Variants in PIK3C3 observed in about 807,000 individuals in gnomAD.
PIK3C3 encodes the protein phosphatidylinositol 3-kinase catalytic subunit type 3.
A neutral mutation model predicts 126.1 loss-of-function variants in PIK3C3; 95 were observed. That is an observed-to-expected ratio of 0.75 (90% confidence interval 0.64 to 0.89). The LOEUF is 0.89. Among genes scored for constraint, PIK3C3 ranks in the 40% least tolerant of loss-of-function variants. The pLI is 0.00. For synonymous variants in PIK3C3, 374 were observed against 360.0 expected, an observed-to-expected ratio of 1.04 and a Z score of -0.44; for missense variants, 829 against 1,063.2, an observed-to-expected ratio of 0.78 and a Z score of 3.06.
chr18:41,986,673 C>T (rs1981494070), intron 4 of PIK3C3, among the ~76,000 whole-genome samples: 1 of 152,058 alleles, frequency 6.6e-6, no homozygotes, highest in Non-Finnish European at 1.5e-5. Context: ...TTCCATGTTG[C>T]TAGCATATTT....
At chr18:42,010,211 A>C (rs1187265555) in intron 10 of PIK3C3, among the ~76,000 whole-genome samples, 1 of 152,170 alleles carries the variant, frequency 6.6e-6, no homozygotes, top group Non-Finnish European at 1.5e-5. Flanking sequence ...GCATCTCAAG[A>C]AACTACTCTT....
rs142789797 is a variant in PIK3C3 at position 42,039,330 on chromosome 18, T to G, written c.2038+480T>G. 1.4e-3 allele frequency among the ~76,000 whole-genome samples: 219 copies of G among 152,328 alleles called. 1 individual carries two copies. The highest frequency in any genetic ancestry group is 5.2e-3 in the African/African-American group (216 of 41,578). ...TTCCTCTGGCTACTCCCAAATCTTT[T>G]TGATGCCTTAATTACTCTTCTCAGT... is the stretch of plus-strand genomic sequence containing the variant. On this transcript the variant is annotated intron_variant, in intron 18 of 24. Coordinates refer to ENST00000262039, the MANE Select transcript of PIK3C3 (RefSeq NM_002647.4).
intron 12 of PIK3C3, among the ~76,000 whole-genome samples, chr18:42,018,169 A>C (rs1825774027): frequency 6.6e-6 from 1 of 151,686 alleles, no homozygotes; most frequent in Non-Finnish European, 1.5e-5. Context: ...ATTTCTTCTT[A>C]TGTCTGTGAC....
intron 14 of PIK3C3, among the ~76,000 whole-genome samples, chr18:42,028,228 A>T (rs1272411421): frequency 7.2e-6 from 1 of 139,306 alleles, no homozygotes; most frequent in Non-Finnish European, 1.5e-5. Flanking sequence ...GCATGGAATT[A>T]AAAAAAAGCT....
chr18:41,985,931 AT>A (rs772832739), intron 4 of PIK3C3, among the ~76,000 whole-genome samples: 5 of 152,242 alleles, frequency 3.3e-5, no homozygotes, highest in Non-Finnish European at 7.4e-5. Context: ...TTCCCACCAC[AT>A]TCTCCCACAT....
At chr18:42,072,493 T>A (rs543977279) in intron 24 of PIK3C3, among the ~76,000 whole-genome samples, 1 of 152,318 alleles carries the variant, frequency 6.6e-6, no homozygotes, top group South Asian at 2.1e-4. Context: ...AATTTTATTT[T>A]GGTCATTGTC....
intron 3 of PIK3C3, among the ~76,000 whole-genome samples, chr18:41,967,374 T>G (rs1980423349): frequency 6.6e-6 from 1 of 152,156 alleles, no homozygotes; most frequent in Non-Finnish European, 1.5e-5. Flanking sequence ...TTCTCATAAC[T>G]TAGGGAAACG....
At position 42,085,198 on chromosome 18, in the gene PIK3C3, C is replaced by A. The variant is rs1202044751; in HGVS notation, c.*4061C>A. 1 of 152,048 alleles carries A rather than the reference C, an allele frequency of 6.6e-6. No homozygotes were observed. Among genetic ancestry groups the A allele is most frequent in the Non-Finnish European group, 1.5e-5 (1 of 68,020 alleles). 9.4% of individuals were successfully genotyped at this position (152,048 alleles called of 1,614,324 possible). On this transcript the variant is annotated 3_prime_UTR_variant, in exon 25 of 25. Coordinates refer to ENST00000262039, the MANE Select transcript of PIK3C3 (RefSeq NM_002647.4). ...CTGGTAAGTGAAAGTTCATTTTGTT[C>A]AGTGCTATGGGCTGGTACATTGCAT...
At chr18:42,012,950 T>G (rs1276780970) in intron 10 of PIK3C3, among the ~76,000 whole-genome samples, 1 of 152,138 alleles carries the variant, frequency 6.6e-6, no homozygotes, top group African/African-American at 2.4e-5. Flanking sequence ...TTTTAAAGAT[T>G]CTAACCAGTA....
intron 21 of PIK3C3, among the ~76,000 whole-genome samples, chr18:42,051,531 A>T (rs984800145): frequency 6.6e-6 from 1 of 152,052 alleles, no homozygotes; most frequent in Admixed American, 6.6e-5. Context: ...TTCAGTTTTT[A>T]ATTATTACAT....
At chr18:42,046,907 C>T (rs1984582109) in intron 20 of PIK3C3, among the ~76,000 whole-genome samples, 1 of 152,040 alleles carries the variant, frequency 6.6e-6, no homozygotes, top group African/African-American at 2.4e-5. Context: ...TCAGAATGAC[C>T]ATCCAACGTA....
rs59171535 is a variant in PIK3C3, at chr18:41,977,222, C to T, written c.531+6766C>T. On this transcript the variant is annotated intron_variant, in intron 4 of 24. Transcript: ENST00000262039. ...GAATGATATATGGCTTCAGTTGTTA[C>T]GAATACATACTTCAAAAGCAATTAA... 2.1e-3 allele frequency among the ~76,000 whole-genome samples: 322 copies of T among 151,924 alleles called. 3 individuals carry two copies. The highest frequency in any genetic ancestry group is 7.5e-3 in the African/African-American group (310 of 41,418).
chr18:42,082,313 G>A lies in PIK3C3; in HGVS notation c.*1176G>A, dbSNP rs994333702. 5.3e-5 allele frequency: 8 copies of A among 152,142 alleles called. No individual in the cohort carries two copies. Among genetic ancestry groups the A allele is most frequent in the African/African-American group, 1.9e-4 (8 of 41,428 alleles). 9.4% of individuals were successfully genotyped at this position (152,142 alleles called of 1,614,324 possible). On this transcript the variant is annotated 3_prime_UTR_variant, in exon 25 of 25. Coordinates refer to ENST00000262039, the MANE Select transcript of PIK3C3 (RefSeq NM_002647.4). ...TTCAGAGAATGCCGTTAATGATAAC[G>A]TGTTATTTGTCTCAAATTCTTAGCC...
At chr18:42,069,996 C>T (rs1034592672) in intron 24 of PIK3C3, among the ~76,000 whole-genome samples, 1 of 152,098 alleles carries the variant, frequency 6.6e-6, no homozygotes, top group Non-Finnish European at 1.5e-5. Context: ...GGCTTCACTC[C>T]TTCAGCTGTA....
Position 42,030,068 on chromosome 18 carries a change from A to G in PIK3C3, c.1707+627A>G, listed in dbSNP as rs75773702. Among the ~76,000 whole-genome samples, 48 of 152,262 alleles carry G rather than the reference A, an allele frequency of 3.2e-4. 1 individual carries two copies. In the East Asian group the frequency reaches 9.3e-3, roughly 29 times the overall value. ...TTGTACTCAGACATTCTTAGTCCAT[A>G]TTGTTATCCACAGTGCTTTACCACC... On this transcript the variant is annotated intron_variant, in intron 15 of 24. Transcript: ENST00000262039.
In PIK3C3 at chr18:42,078,371, G is replaced by A. The variant is rs529111177; in HGVS notation, c.2650-2752G>A. Among the ~76,000 whole-genome samples, 6 of 121,752 alleles carry A rather than the reference G, an allele frequency of 4.9e-5. No individual in the cohort carries two copies. In the East Asian group the frequency reaches 7.1e-4, roughly 14 times the overall value. 79.9% of individuals were successfully genotyped at this position (121,752 alleles called of 152,430 possible). On this transcript the variant is annotated intron_variant, in intron 24 of 24. Coordinates refer to ENST00000262039, the MANE Select transcript of PIK3C3 (RefSeq NM_002647.4). ...CGCAGTCCGGCCTGGGCAACAGAGC[G>A]AGACTCTGTCTCAAAAAAAAAAAAA...
Position 42,040,754 on chromosome 18 carries a change from TA to T in PIK3C3, c.2103+16del, listed in dbSNP as rs1297327470. 30 of 1,539,576 alleles carry T rather than the reference TA, an allele frequency of 1.9e-5. No individual in the cohort carries two copies. The highest frequency in any genetic ancestry group is 2.6e-5 in the Non-Finnish European group (29 of 1,115,514). On this transcript the variant is annotated intron_variant, in intron 19 of 24. Coordinates refer to ENST00000262039, the MANE Select transcript of PIK3C3 (RefSeq NM_002647.4). ...GGGAAGCATTCAGGTATGGTATCAA[TA>T]AAGATTATGCAATTCATGAATATAT...
At chr18:41,989,757 T>C (rs892701501) in intron 5 of PIK3C3, among the ~76,000 whole-genome samples, 7 of 152,206 alleles carry the variant, frequency 4.6e-5, no homozygotes, top group African/African-American at 1.4e-4. Context: ...CACGACTAAA[T>C]TGCTTAATGA....
chr18:42,016,015 A>C (rs1983058696), intron 12 of PIK3C3, among the ~76,000 whole-genome samples: 1 of 152,124 alleles, frequency 6.6e-6, no homozygotes, highest in Non-Finnish European at 1.5e-5. Context: ...GACTAGTGCT[A>C]CTCTGAAAAG....
Sources: allele counts gnomAD v4.1 joint callset (sites outside exome capture counted in the v4.1 genomes callset), GRCh38; gene constraint gnomAD v4.1.1; transcripts MANE v1.5; gene names NCBI Gene and HGNC (gene_info 2026-07-23, HGNC 2026-07-21).